Variants in PREP observed in about 807,000 individuals in gnomAD.
The protein encoded by PREP is prolyl endopeptidase.
In PREP, 29 loss-of-function variants were observed where a neutral mutation model predicts 87.6. That is an observed-to-expected ratio of 0.33 (90% CI 0.25 to 0.45). The LOEUF (loss-of-function observed/expected upper bound fraction) is 0.45, where lower values mean the gene tolerates loss of function less well. PREP is among the 20% of genes least tolerant of loss of function. PREP has a pLI of 1.00. For missense variants in PREP, 695 were observed against 886.5 expected (o/e 0.78, Z 2.74); for synonymous variants, 337 against 328.6 (o/e 1.03, Z -0.28).
At chr6:105,374,542 T>C (rs1176850316) in intron 4 of PREP, among the ~76,000 whole-genome samples, 5 of 151,224 alleles carry the variant, frequency 3.3e-5, no homozygotes, top group African/African-American at 1.2e-4. Context: ...GGCTCATATG[T>C]ATGTAAATGC....
chr6:105,282,993 G>A (rs1017694093), intron 12 of PREP, among the ~76,000 whole-genome samples: 3 of 152,204 alleles, frequency 2.0e-5, no homozygotes, highest in Admixed American at 6.5e-5. Flanking sequence ...CCCAGCACCC[G>A]AGCCGGAGCT....
intron 10 of PREP, among the ~76,000 whole-genome samples, chr6:105,309,754 A>C (rs866853262): frequency 2.6e-5 from 4 of 152,128 alleles, no homozygotes; most frequent in Admixed American, 2.0e-4. Context: ...CAGAATGGAG[A>C]AAACGCTCCT....
chr6:105,390,870 G>T (rs531861043), intron 2 of PREP, among the ~76,000 whole-genome samples: 3 of 152,080 alleles, frequency 2.0e-5, no homozygotes, highest in African/African-American at 7.2e-5. Flanking sequence ...TTCCCCCAGC[G>T]ATCGGAGAGA....
intron 6 of PREP, among the ~76,000 whole-genome samples, chr6:105,359,128 T>G (rs1772177705): frequency 6.6e-6 from 1 of 152,296 alleles, no homozygotes; most frequent in Non-Finnish European, 1.5e-5. Flanking sequence ...CTGGGGTGTG[T>G]ATTCCCCCAA....
intron 6 of PREP, among the ~76,000 whole-genome samples, chr6:105,363,208 T>C (rs1372383212): frequency 6.6e-6 from 1 of 152,216 alleles, no homozygotes; most frequent in Non-Finnish European, 1.5e-5. Context: ...ATATAGGATT[T>C]AGGGAGATAA....
chr6:105,376,482 T>C (rs559325116), intron 3 of PREP, among the ~76,000 whole-genome samples: 1 of 152,236 alleles, frequency 6.6e-6, no homozygotes, highest in Non-Finnish European at 1.5e-5. Context: ...ATTGTAATCC[T>C]GCACATTAGC....
At chr6:105,359,265 C>G (rs1772180787) in intron 6 of PREP, among the ~76,000 whole-genome samples, 1 of 152,162 alleles carries the variant, frequency 6.6e-6, no homozygotes, top group Admixed American at 6.5e-5. Flanking sequence ...GATACAGACA[C>G]ACACAGAAAA....
chr6:105,401,738 T>A (rs559607458), intron 1 of PREP, among the ~76,000 whole-genome samples: 2 of 152,350 alleles, frequency 1.3e-5, no homozygotes, highest in Non-Finnish European at 2.9e-5. Flanking sequence ...AAACCATGAA[T>A]GAATGCATCA....
chr6:105,391,576 A>G (rs889906100), intron 2 of PREP, among the ~76,000 whole-genome samples: 1 of 152,208 alleles, frequency 6.6e-6, no homozygotes, highest in Non-Finnish European at 1.5e-5. Context: ...TCTTGAAGAA[A>G]ATAGTTTATG....
intron 2 of PREP, among the ~76,000 whole-genome samples, chr6:105,395,692 T>C (rs1008059605): frequency 1.3e-5 from 2 of 152,226 alleles, no homozygotes; most frequent in African/African-American, 2.4e-5. Context: ...CACGAACCTG[T>C]CATTATCAAC....
At chr6:105,334,416 T>A (rs955801026) in intron 7 of PREP, among the ~76,000 whole-genome samples, 8 of 152,174 alleles carry the variant, frequency 5.3e-5, no homozygotes, top group African/African-American at 1.4e-4. Flanking sequence ...TATTTGTTTT[T>A]GTTGAAAGAT....
intron 10 of PREP, among the ~76,000 whole-genome samples, chr6:105,310,205 T>C (rs1770733102): frequency 6.6e-6 from 1 of 152,244 alleles, no homozygotes. Context: ...AGGGATTGTA[T>C]TTTTCTTAAA....
chr6:105,286,178 C>T (rs1770185910), intron 11 of PREP, among the ~76,000 whole-genome samples: 1 of 152,202 alleles, frequency 6.6e-6, no homozygotes, highest in South Asian at 2.1e-4. Flanking sequence ...AAAAACAAAA[C>T]ACTGCCAGCC....
At chr6:105,281,389 A>C (rs375992368) in intron 14 of PREP, 1 of 160,002 alleles carries the variant, frequency 6.2e-6, no homozygotes, top group African/African-American at 2.4e-5. Flanking sequence ...GAATGTGCTC[A>C]GCCTTTAAGG....
intron 8 of PREP, 127 bp from the exon 9 acceptor site, chr6:105,329,153 AC>A: frequency 3.2e-6 from 3 of 925,766 alleles, no homozygotes; most frequent in Non-Finnish European, 4.8e-6. Flanking sequence ...AGTCACTTTT[AC>A]ATTTTTTTTT....
At chr6:105,349,733 G>T (rs1279066896) in intron 7 of PREP, among the ~76,000 whole-genome samples, 2 of 152,052 alleles carry the variant, frequency 1.3e-5, no homozygotes, top group African/African-American at 4.8e-5. Context: ...ATAGATTTTA[G>T]TAATATGAAA....
chr6:105,395,993 T>C (rs892421728), intron 2 of PREP, among the ~76,000 whole-genome samples: 12 of 152,182 alleles, frequency 7.9e-5, no homozygotes, highest in Non-Finnish European at 1.6e-4. Context: ...AGGTAATCTA[T>C]GGCAGGGATG....
chr6:105,402,762 A>C (rs1773468984), intron 1 of PREP, 85 bp downstream of exon 1: 2 of 1,310,268 alleles, frequency 1.5e-6, no homozygotes, highest in East Asian at 5.6e-5. Flanking sequence ...GAAGGCCTAC[A>C]GGAAGAGGAG....
At chr6:105,354,353 T>C (rs552906238) in intron 6 of PREP, among the ~76,000 whole-genome samples, 1 of 152,304 alleles carries the variant, frequency 6.6e-6, no homozygotes, top group East Asian at 1.9e-4. Flanking sequence ...TTATGAGATG[T>C]TGCCAAATTA....
Sources: gnomAD v4.1 joint callset for allele counts (sites outside exome capture counted in the v4.1 genomes callset) on GRCh38, gnomAD v4.1.1 for gene constraint, MANE v1.5 for transcripts, NCBI Gene and HGNC (gene_info 2026-07-23, HGNC 2026-07-21) for gene names.